Variants in GABRA3 observed in about 807,000 individuals in gnomAD.
GABRA3 encodes gamma-aminobutyric acid receptor subunit alpha-3.
GABRA3 carries 10 observed loss-of-function variants against 30.1 expected under a neutral mutation model. The observed-to-expected ratio is 0.33, with a 90% CI of 0.20 to 0.56. GABRA3 has a LOEUF of 0.56. Ranked by LOEUF, GABRA3 falls within the 20% of genes least tolerant of loss-of-function variation. The pLI, the probability that GABRA3 is intolerant of heterozygous loss-of-function variation, is 0.89. For missense variants in GABRA3, 233 were observed against 392.0 expected (o/e 0.59, Z 3.42); for synonymous variants, 151 against 146.8 (o/e 1.03, Z -0.21).
chrX:152,321,739 G>A (rs1206795973), intron 3 of GABRA3, among the ~76,000 whole-genome samples: 6 of 111,169 alleles, frequency 5.4e-5, no homozygotes, highest in East Asian at 2.8e-4. Flanking sequence ...ACATTTCTCC[G>A]TTTTCCTAGT....
chrX:152,232,339 C>T (rs988942603), intron 5 of GABRA3, among the ~76,000 whole-genome samples: 6 of 109,697 alleles, frequency 5.5e-5, no homozygotes, highest in East Asian at 5.7e-4. Flanking sequence ...GGTGAAATTA[C>T]GGTTTTTAGT....
chrX:152,235,128 T>G (rs1324175000), intron 5 of GABRA3, among the ~76,000 whole-genome samples: 1 of 112,010 alleles, frequency 8.9e-6, no homozygotes, highest in Non-Finnish European at 1.9e-5. Flanking sequence ...CATTTCTTTG[T>G]GTCATTTACT....
At chrX:152,263,022 C>T (rs778311360) in intron 4 of GABRA3, among the ~76,000 whole-genome samples, 4 of 111,316 alleles carry the variant, frequency 3.6e-5, no homozygotes, top group South Asian at 3.8e-4. Flanking sequence ...CTTCACATGG[C>T]GGCAGGAGAG....
chrX:152,167,866 C>G lies in GABRA3; in HGVS notation c.*362G>C, dbSNP rs1230975499. 5.2e-6 allele frequency: 1 copy of G among 193,956 alleles called. No individual in the cohort carries two copies. The highest frequency in any genetic ancestry group is 9.4e-6 in the Non-Finnish European group (1 of 106,606). 16.0% of individuals were successfully genotyped at this position (193,956 alleles called of 1,213,427 possible). A position where few individuals can be genotyped will look rare whatever the true frequency, so the allele number is the denominator to read the frequency against. ...GTCAACAATTCTCCTTGTTCTGGGC[C>G]TCTCAAACAGCCAAGGCTTCCACTA... On this transcript the variant is annotated 3_prime_UTR_variant, in exon 10 of 10. Coordinates refer to ENST00000370314, the MANE Select transcript of GABRA3 (RefSeq NM_000808.4).
chrX:152,323,727 C>T (rs1266639949), intron 3 of GABRA3, among the ~76,000 whole-genome samples: 1 of 112,048 alleles, frequency 8.9e-6, no homozygotes, highest in East Asian at 2.8e-4. Flanking sequence ...AATATTAACA[C>T]CAACCTTTTC....
At chrX:152,179,318 A>G (rs112408842) in intron 9 of GABRA3, among the ~76,000 whole-genome samples, 1 of 110,573 alleles carries the variant, frequency 9.0e-6, no homozygotes. Flanking sequence ...TTTAAAATCT[A>G]CTCTTAGCAG....
intron 1 of GABRA3, among the ~76,000 whole-genome samples, chrX:152,387,304 A>C (rs1422120276): frequency 1.8e-5 from 2 of 111,622 alleles, no homozygotes; most frequent in Non-Finnish European, 3.8e-5. Flanking sequence ...TAATAATAAT[A>C]AAGAAGCCAC....
At chrX:152,259,823 T>C (rs1293309328) in intron 4 of GABRA3, among the ~76,000 whole-genome samples, 4 of 110,801 alleles carry the variant, frequency 3.6e-5, no homozygotes, top group African/African-American at 9.8e-5. Flanking sequence ...GTGATGGCTA[T>C]GGTACTAGAC....
chrX:152,397,566 C>A (rs1374568288), intron 1 of GABRA3, among the ~76,000 whole-genome samples: 1 of 111,588 alleles, frequency 9.0e-6, no homozygotes, highest in Non-Finnish European at 1.9e-5. Flanking sequence ...CCTCTTCACT[C>A]CAGACTATTT....
intron 1 of GABRA3, among the ~76,000 whole-genome samples, chrX:152,366,955 A>G (rs954120128): frequency 9.0e-6 from 1 of 111,584 alleles, no homozygotes; most frequent in Non-Finnish European, 1.9e-5. Flanking sequence ...AAGGTAAGAT[A>G]CAGTTGCAAG....
At chrX:152,208,240 T>C in intron 6 of GABRA3, 96 bp from the exon 7 acceptor site, 1 of 926,967 alleles carries the variant, frequency 1.1e-6, no homozygotes, top group Non-Finnish European at 1.5e-6. Flanking sequence ...AAAACTTCCA[T>C]CTTCAAAGAG....
intron 1 of GABRA3, among the ~76,000 whole-genome samples, chrX:152,377,706 T>G (rs964380022): frequency 2.7e-5 from 3 of 111,336 alleles, no homozygotes; most frequent in African/African-American, 9.8e-5. Context: ...AATACAGAGC[T>G]ACCAAACCAT....
intron 1 of GABRA3, among the ~76,000 whole-genome samples, chrX:152,446,598 C>T (rs1321137486): frequency 9.1e-6 from 1 of 109,713 alleles, no homozygotes; most frequent in Non-Finnish European, 1.9e-5. Flanking sequence ...CCCTGAATCT[C>T]TTTTATTCTA....
chrX:152,304,382 G>A (rs774350721), intron 3 of GABRA3, among the ~76,000 whole-genome samples: 1 of 112,238 alleles, frequency 8.9e-6, no homozygotes, highest in Non-Finnish European at 1.9e-5. Context: ...CATGGCTGAT[G>A]TTGAGAAGGG....
chrX:152,265,738 A>T (rs1346859522), intron 4 of GABRA3, among the ~76,000 whole-genome samples: 1 of 111,451 alleles, frequency 9.0e-6, no homozygotes, highest in Non-Finnish European at 1.9e-5. Context: ...AACTTGATAA[A>T]CCTTTAGCCA....
At chrX:152,289,977 T>C (rs1455899843) in intron 3 of GABRA3, among the ~76,000 whole-genome samples, 2 of 112,062 alleles carry the variant, frequency 1.8e-5, no homozygotes, top group African/African-American at 3.2e-5. Flanking sequence ...ACAATAAACA[T>C]ATGTGTGCAT....
At chrX:152,328,005 A>G (rs904265329) in intron 3 of GABRA3, among the ~76,000 whole-genome samples, 1 of 111,909 alleles carries the variant, frequency 8.9e-6, no homozygotes, top group African/African-American at 3.3e-5. Flanking sequence ...ACGATAAAAA[A>G]TGATAAAGGG....
chrX:152,430,531 C>T (rs982540834), intron 1 of GABRA3, among the ~76,000 whole-genome samples: 6 of 111,362 alleles, frequency 5.4e-5, no homozygotes, highest in Non-Finnish European at 1.1e-4. Context: ...GCAACTAAGA[C>T]TTGCATCACG....
At chrX:152,171,410 C>T in intron 9 of GABRA3, 1 of 673,295 alleles carries the variant, frequency 1.5e-6, no homozygotes, top group Non-Finnish European at 1.8e-6. Flanking sequence ...TAATCAGCCA[C>T]TACAATTTTT....
Sources: allele counts gnomAD v4.1 joint callset (sites outside exome capture counted in the v4.1 genomes callset), GRCh38; gene constraint gnomAD v4.1.1; transcripts MANE v1.5; gene names NCBI Gene and HGNC (gene_info 2026-07-23, HGNC 2026-07-21).